The following ERN2 variants were observed in gnomAD, a reference collection of about 807,000 sequenced individuals.
ERN2 encodes serine/threonine-protein kinase/endoribonuclease IRE2.
A neutral mutation model predicts 107.9 loss-of-function variants in ERN2; 111 were observed. The ratio of observed to expected loss-of-function variants is 1.03; its 90% CI spans 0.88 to 1.20. The LOEUF (loss-of-function observed/expected upper bound fraction) is 1.20. ERN2 is among the 50% of genes most tolerant of loss of function. The probability of loss-of-function intolerance (pLI) is 0.00; values close to 1 mark genes in which losing one functional copy is unlikely to be tolerated. For missense variants in ERN2, 1,225 were observed against 1,197.9 expected (o/e 1.02, Z -0.33); for synonymous variants, 524 against 501.7 (o/e 1.04, Z -0.59).
Position 23,700,722 on chromosome 16 carries a change from A to G in ERN2, c.1360-18T>C. The stretch of plus-strand genomic sequence containing the variant: ...GGCTGTTGCTGTAACATGAGAGCCT[A>G]AGAGAGCTTTGTCCTGGCCACGCCC... On this transcript the variant is annotated intron_variant, in intron 12 of 21. Transcript: ENST00000256797. 1 of 1,606,060 alleles carries G rather than the reference A, an allele frequency of 6.2e-7. No individual in the cohort carries two copies.
chr16:23,709,954 T>C, intron 4 of ERN2: 1 of 540,206 alleles, frequency 1.9e-6, no homozygotes, highest in East Asian at 3.1e-5. Context: ...CTGGGATACC[T>C]CCAGCTTGAT....
Position 23,702,604 on chromosome 16 carries a change from A to G in ERN2, c.933+20T>C, listed in dbSNP as rs1221140072. 6.2e-7 allele frequency: 1 copy of G among 1,613,956 alleles called. No individual in the cohort carries two copies. Among genetic ancestry groups the G allele is most frequent in the Non-Finnish European group, 8.5e-7 (1 of 1,179,976 alleles). Reference sequence around the variant, plus strand: ...CTCCCGTTCATCCTCTTTCCAGCCCACTCAGAGACCACTTCTTACCACCAG... The same window carrying G: ...CTCCCGTTCATCCTCTTTCCAGCCCGCTCAGAGACCACTTCTTACCACCAG... On this transcript the variant is annotated intron_variant, in intron 9 of 21. Coordinates refer to ENST00000256797, the MANE Select transcript of ERN2 (RefSeq NM_033266.4).
In ERN2 at chr16:23,702,254, T is replaced by TG; in HGVS notation, c.1100dup (p.Val368SerfsTer70). On this transcript the variant is annotated frameshift_variant, in exon 11 of 22. Transcript: ENST00000256797. LOFTEE classifies it high-confidence loss of function. ...CCCTCAGCATGGTGGTGTGCAGGAC[T>TG]GGGGGTAGCTCGTGGTGTCCTAAGG... is the stretch of plus-strand genomic sequence containing the variant. The TG allele has an allele frequency of 6.2e-7, 1 of 1,614,126 alleles. No homozygotes were observed. The highest frequency in any genetic ancestry group is 8.5e-7 in the Non-Finnish European group (1 of 1,180,016).
chr16:23,709,235 G>A (rs1253319937), intron 4 of ERN2: 12 of 453,790 alleles, frequency 2.6e-5, no homozygotes, highest in Non-Finnish European at 3.1e-5. Context: ...GTTCGAGGCT[G>A]CAGTGAGCCT....
In ERN2 at chr16:23,713,144, C is replaced by T; in HGVS notation, c.44G>A (p.Gly15Glu). The T allele has an allele frequency of 1.3e-6, 2 of 1,575,554 alleles. No homozygotes were observed. Among genetic ancestry groups the T allele is most frequent in the Non-Finnish European group, 1.7e-6 (2 of 1,166,498 alleles). ...CAGCGCCGCGAACTGGAGCTGGAGC[C>T]CCAGCCGGGGCCACGGCCTCGACCC... ...VRGSRPWPRL[G>E]LQLQFAALLL... The change falls in exon 1 of 22, where the codon GGG becomes GAG. Residue 15 changes from glycine to glutamate, a missense_variant. Coordinates refer to ENST00000256797, the MANE Select transcript of ERN2 (RefSeq NM_033266.4).
intron 4 of ERN2, 75 bp downstream of exon 4, chr16:23,710,097 C>A (rs1203944071): frequency 1.0e-6 from 1 of 971,846 alleles, no homozygotes; most frequent in Non-Finnish European, 1.7e-6. Flanking sequence ...GACCATACTG[C>A]CTCTCCACCT....
Position 23,695,125 on chromosome 16 carries a change from A to G in ERN2, c.1801-7T>C. On this transcript the variant is annotated splice_polypyrimidine_tract_variant and splice_region_variant and intron_variant, in intron 15 of 21. Transcript: ENST00000256797. ...GGTCCGGGTTTTCTACGTACTGAGC[A>G]GCAGCAAGGGCCAAAGCATCACTCT... The G allele has an allele frequency of 6.2e-7, 1 of 1,614,062 alleles. No homozygotes were observed. Among genetic ancestry groups the G allele is most frequent in the African/African-American group, 1.3e-5 (1 of 75,036 alleles).
chr16:23,712,216 G>A, intron 1 of ERN2: 1 of 206,704 alleles, frequency 4.8e-6, no homozygotes, highest in South Asian at 4.6e-5. Flanking sequence ...ATGGCAGGAG[G>A]GAGAACGGTT....
chr16:23,709,075 C>T (rs1960438995), intron 4 of ERN2: 1 of 413,378 alleles, frequency 2.4e-6, no homozygotes, highest in Non-Finnish European at 4.8e-6. Context: ...TTTCTTATCA[C>T]TTCACCTTCC....
intron 17 of ERN2, among the ~76,000 whole-genome samples, chr16:23,693,601 A>ATATATAT (rs34569361): frequency 5.5e-4 from 81 of 147,780 alleles, no homozygotes; most frequent in African/African-American, 2.0e-3. Flanking sequence ...AAAAAAAAAA[A>ATATATAT]ATATATATAT....
At chr16:23,695,422 C>T (rs1172111529) in intron 14 of ERN2, 33 bp from the exon 15 acceptor site, 9 of 1,552,560 alleles carry the variant, frequency 5.8e-6, no homozygotes, top group Non-Finnish European at 7.8e-6. Context: ...GGCAGGGGGG[C>T]ATTCAGGGAA....
chr16:23,692,031 G>A lies in ERN2; in HGVS notation c.2308C>T (p.Pro770Ser), dbSNP rs769198246. 7 of 1,613,930 alleles carry A rather than the reference G, an allele frequency of 4.3e-6. No homozygotes were observed. In the Middle Eastern group the frequency reaches 8.3e-4, roughly 190 times the overall value. The part of the protein sequence containing the change: ...AMLSPLPQPR[P>S]SAPQVLAHPF... Reference sequence around the variant, plus strand: ...TGGGCCAGCACCTGGGGGGCAGAGGGGCGTGGCTGCGGCAGTGGGCTCAAC... The same window carrying A: ...TGGGCCAGCACCTGGGGGGCAGAGGAGCGTGGCTGCGGCAGTGGGCTCAAC... The change falls in exon 19 of 22, where the codon CCC (proline) becomes TCC (serine). Residue 770 changes from proline (P) to serine (S), a missense_variant. Physicochemically the swap from Pro to Ser is moderately conservative, Grantham distance 74. Coordinates refer to ENST00000256797, the MANE Select transcript of ERN2 (RefSeq NM_033266.4).
At chr16:23,702,597 C>G (rs759713118) in intron 9 of ERN2, 27 bp downstream of exon 9, 1 of 1,614,114 alleles carries the variant, frequency 6.2e-7, no homozygotes, top group Non-Finnish European at 8.5e-7. Flanking sequence ...CATCCTCTTT[C>G]CAGCCCACTC....
intron 1 of ERN2, chr16:23,711,895 G>T: frequency 4.7e-6 from 1 of 211,770 alleles, no homozygotes. Context: ...TGGTTTTGGT[G>T]CCAGGCTCCA....
At chr16:23,704,733 A>G in intron 8 of ERN2, 150 bp downstream of exon 8, 1 of 922,242 alleles carries the variant, frequency 1.1e-6, no homozygotes, top group Non-Finnish European at 1.7e-6. Flanking sequence ...TTATTTACCA[A>G]CCAGTTGGGT....
rs1555466492 is a variant in ERN2, at chr16:23,693,601, A to AAAAAT, written c.2100+1126_2100+1127insATTTT. Among the ~76,000 whole-genome samples the AAAAAT allele has an allele frequency of 1.0e-3, 153 of 147,780 alleles. 2 individuals are homozygous for AAAAAT. The highest frequency in any genetic ancestry group is 3.6e-3 in the African/African-American group (144 of 39,974). On this transcript the variant is annotated intron_variant, in intron 17 of 21. Transcript: ENST00000256797. The stretch of plus-strand genomic sequence containing the variant: ...CGAAACTCCATCTCAAAAAAAAAAA[A>AAAAAT]ATATATATATATATAGGCCACTAAT...
chr16:23,695,587 G>A (rs554871543), intron 14 of ERN2, among the ~76,000 whole-genome samples, 198 bp from the exon 15 acceptor site: 11 of 151,906 alleles, frequency 7.2e-5, no homozygotes, highest in African/African-American at 2.7e-4. Flanking sequence ...AAAATTAGCC[G>A]GGCATGGTGA....
intron 13 of ERN2, among the ~76,000 whole-genome samples, chr16:23,696,277 T>C (rs556778533): frequency 1.3e-5 from 2 of 152,346 alleles, no homozygotes; most frequent in East Asian, 1.9e-4. Context: ...TAAATGGATA[T>C]ATGGAAAGAA....
At chr16:23,703,956 G>C (rs897228885) in intron 8 of ERN2, among the ~76,000 whole-genome samples, 1 of 151,986 alleles carries the variant, frequency 6.6e-6, no homozygotes, top group Non-Finnish European at 1.5e-5. Context: ...TCACATATCT[G>C]TCTCTCCCAT....
Sources: gnomAD v4.1 joint callset for allele counts (sites outside exome capture counted in the v4.1 genomes callset) on GRCh38, gnomAD v4.1.1 for gene constraint, MANE v1.5 for transcripts, NCBI Gene and HGNC (gene_info 2026-07-23, HGNC 2026-07-21) for gene names.